Variants in VCPKMT observed in about 807,000 individuals in gnomAD.
VCPKMT encodes protein N-lysine methyltransferase METTL21D.
VCPKMT carries 32 observed loss-of-function variants against 28.6 expected under a neutral mutation model. The ratio of observed to expected loss-of-function variants is 1.12; its 90% CI spans 0.84 to 1.50. VCPKMT has a LOEUF of 1.50. VCPKMT is among the 40% of genes most tolerant of loss of function. VCPKMT has a pLI of 0.00. For missense variants in VCPKMT, 366 were observed against 285.0 expected (o/e 1.28, Z -2.05); for synonymous variants, 138 against 111.4 (o/e 1.24, Z -1.50).
rs983985795 is a variant in VCPKMT at position 50,112,803 on chromosome 14, T to C, written c.571-84A>G. 1.0e-5 allele frequency: 10 copies of C among 961,036 alleles called. No individual in the cohort carries two copies. In the African/African-American group the frequency reaches 1.7e-4, roughly 16 times the overall value. 59.5% of individuals were successfully genotyped at this position (961,036 alleles called of 1,614,324 possible). A position where few individuals can be genotyped will look rare whatever the true frequency, so the allele number is the denominator to read the frequency against. ...CAGAAGTCAGAATGCTGGTTACTTT[T>C]TTTTTGAGAGTCTCACTCTGTCACC... On this transcript the variant is annotated intron_variant, in intron 4 of 5. Coordinates refer to ENST00000395860, the MANE Select transcript of VCPKMT (RefSeq NM_024558.3).
downstream of VCPKMT, among the ~76,000 whole-genome samples, chr14:50,105,787 G>A (rs542614101): frequency 4.6e-5 from 7 of 152,288 alleles, no homozygotes; most frequent in Admixed American, 3.9e-4. Flanking sequence ...AGAGACTCAA[G>A]TCATTGGAGA....
downstream of VCPKMT, among the ~76,000 whole-genome samples, chr14:50,108,009 T>A (rs1341540892): frequency 2.6e-5 from 4 of 151,690 alleles, no homozygotes; most frequent in Admixed American, 2.6e-4. Flanking sequence ...GGCAACATGG[T>A]GAAACCCTGA....
At chr14:50,104,819 GAATT>G (rs1475031466), downstream of VCPKMT, among the ~76,000 whole-genome samples, 10 of 152,184 alleles carry the variant, frequency 6.6e-5, no homozygotes, top group African/African-American at 1.4e-4. Flanking sequence ...AACGTCACTT[GAATT>G]AATTTAGCCT....
In VCPKMT at chr14:50,112,605, T is replaced by A; in HGVS notation, c.675+10A>T. On this transcript the variant is annotated intron_variant, in intron 5 of 5. Coordinates refer to ENST00000395860, the MANE Select transcript of VCPKMT (RefSeq NM_024558.3). The stretch of plus-strand genomic sequence containing the variant: ...TCCTTGGAGAATGAAGAACTGAGAA[T>A]GTTATTTACCGATTTTTTCTTTCTG... 1 of 1,487,414 alleles carries A rather than the reference T, an allele frequency of 6.7e-7. No homozygotes were observed. Among genetic ancestry groups the A allele is most frequent in the Non-Finnish European group, 9.2e-7 (1 of 1,088,700 alleles). 92.1% of individuals were successfully genotyped at this position (1,487,414 alleles called of 1,614,324 possible).
chr14:50,114,234 GC>G lies in VCPKMT; in HGVS notation c.570+50del, dbSNP rs568021564. 9.6e-5 allele frequency: 137 copies of G among 1,425,512 alleles called. 1 individual carries two copies. In the African/African-American group the frequency reaches 1.8e-3, roughly 19 times the overall value. 88.3% of individuals were successfully genotyped at this position (1,425,512 alleles called of 1,614,324 possible). ...TAATATACTTGAAGAGTCACATACA[GC>G]CCCCCTGAAGGGAAATCACTACAAA... is the stretch of plus-strand genomic sequence containing the variant. On this transcript the variant is annotated intron_variant, in intron 4 of 5. Coordinates refer to ENST00000395860, the MANE Select transcript of VCPKMT (RefSeq NM_024558.3).
At chr14:50,104,875 G>A (rs1167268826), downstream of VCPKMT, among the ~76,000 whole-genome samples, 7 of 152,074 alleles carry the variant, frequency 4.6e-5, no homozygotes, top group African/African-American at 1.7e-4. Context: ...ATCAATAGCA[G>A]AGAAAACATT....
chr14:50,104,907 C>T (rs763812447), downstream of VCPKMT, among the ~76,000 whole-genome samples: 29 of 152,048 alleles, frequency 1.9e-4, no homozygotes, highest in Non-Finnish European at 3.7e-4. Flanking sequence ...AGTAACGTAG[C>T]TTTTTGAATG....
downstream of VCPKMT, chr14:50,108,517 G>A (rs570279180): frequency 1.0e-5 from 8 of 783,412 alleles, no homozygotes; most frequent in African/African-American, 1.9e-5. Context: ...AACCTGAAAG[G>A]AATGAACTGA....
intron 4 of VCPKMT, 60 bp from the exon 5 acceptor site, chr14:50,112,779 A>G: frequency 8.3e-7 from 1 of 1,208,354 alleles, no homozygotes; most frequent in South Asian, 1.4e-5. Flanking sequence ...TGTGGGTGAC[A>G]GAAGTCAGAA....
intron 2 of VCPKMT, 57 bp from the exon 3 acceptor site, chr14:50,115,968 T>C (rs1883148819): frequency 3.1e-6 from 5 of 1,600,370 alleles, no homozygotes; most frequent in Non-Finnish European, 4.3e-6. Context: ...TACTCTTGTT[T>C]TATAAAGAAC....
rs1331656163 is a variant in VCPKMT, at chr14:50,116,438, C to A, written c.115G>T (p.Gly39Cys). 1 of 1,613,912 alleles carries A rather than the reference C, an allele frequency of 6.2e-7. No individual in the cohort carries two copies. The highest frequency in any genetic ancestry group is 1.3e-5 in the African/African-American group (1 of 74,920). The change falls in exon 1 of 6, where the codon GGT becomes TGT. Residue 39 changes from glycine to cysteine, a missense_variant. By Grantham distance (159) the Gly-to-Cys change is radical (BLOSUM62 -3). Coordinates refer to ENST00000395860, the MANE Select transcript of VCPKMT (RefSeq NM_024558.3). ...RLQQYSSGGV[G>C]CVVWDAAIVL... ...ATGGCAGCGTCCCACACAACGCAAC[C>A]CACGCCACCGGAGCTATACTGCTGT... is the stretch of plus-strand genomic sequence containing the variant.
the VCPKMT span, among the ~76,000 whole-genome samples, chr14:50,102,980 GC>G: frequency 1.3e-5 from 2 of 152,220 alleles, no homozygotes; most frequent in African/African-American, 4.8e-5. Context: ...GCCGCATATG[GC>G]CCAGGACATC....
intron 3 of VCPKMT, among the ~76,000 whole-genome samples, chr14:50,115,440 C>T (rs982871277): frequency 6.6e-6 from 1 of 152,080 alleles, no homozygotes; most frequent in South Asian, 2.1e-4. Context: ...CGTGAGCCAC[C>T]GCGCCCGGCC....
At chr14:50,115,310 G>A (rs893495449) in intron 3 of VCPKMT, among the ~76,000 whole-genome samples, 2 of 151,856 alleles carry the variant, frequency 1.3e-5, no homozygotes, top group Non-Finnish European at 1.5e-5. Context: ...GCACCACCAC[G>A]CCTGGCTAAT....
rs931945982 is a variant in VCPKMT at position 50,108,704 on chromosome 14, A to C, written c.*995T>G. The C allele has an allele frequency of 4.1e-6, 4 of 985,740 alleles. No homozygotes were observed. In the African/African-American group the frequency reaches 7.0e-5, roughly 17 times the overall value. The allele number at this position is 985,740 out of a possible 1,614,324, so 61.1% of individuals were successfully genotyped here. A position where few individuals can be genotyped will look rare whatever the true frequency, so the allele number is the denominator to read the frequency against. On this transcript the variant is annotated 3_prime_UTR_variant, in exon 6 of 6. Coordinates refer to ENST00000395860, the MANE Select transcript of VCPKMT (RefSeq NM_024558.3). ...TAGCACCAATGCCTATAAATACCAG[A>C]ATTCCATCCGGTTACTACTCTTTGG...
chr14:50,109,856 A>T, intron 5 of VCPKMT, 143 bp from the exon 6 acceptor site: 1 of 936,130 alleles, frequency 1.1e-6, no homozygotes, highest in Non-Finnish European at 1.5e-6. Flanking sequence ...ACAACCATGC[A>T]TGTTTATAGA....
At position 50,109,525 on chromosome 14, in the gene VCPKMT, A is replaced by C; in HGVS notation, c.*174T>G. On this transcript the variant is annotated 3_prime_UTR_variant, in exon 6 of 6. Coordinates refer to ENST00000395860, the MANE Select transcript of VCPKMT (RefSeq NM_024558.3). ...ATTGGCAGGCAGGCAGGCAAGCAGG[A>C]ATTTTTCGTATTGCAGACAGCCCCT... 7.6e-7 allele frequency: 1 copy of C among 1,315,100 alleles called. No individual in the cohort carries two copies. Among genetic ancestry groups the C allele is most frequent in the Non-Finnish European group, 9.7e-7 (1 of 1,034,634 alleles). 81.5% of individuals were successfully genotyped at this position (1,315,100 alleles called of 1,614,324 possible).
chr14:50,109,400 T>C lies in VCPKMT; in HGVS notation c.*299A>G. On this transcript the variant is annotated 3_prime_UTR_variant, in exon 6 of 6. Transcript: ENST00000395860. ...TCATGTTGGCTGTTTTTGGCAGATT[T>C]CAGCCTCGCCTCAATACCAATTTTT... is the stretch of plus-strand genomic sequence containing the variant. The C allele has an allele frequency of 9.0e-7, 1 of 1,110,874 alleles. No individual in the cohort carries two copies. The highest frequency in any genetic ancestry group is 5.1e-5 in the East Asian group (1 of 19,732). 68.8% of individuals were successfully genotyped at this position (1,110,874 alleles called of 1,614,324 possible). A position where few individuals can be genotyped will look rare whatever the true frequency, so the allele number is the denominator to read the frequency against.
At chr14:50,111,471 G>C in intron 5 of VCPKMT, 1 of 985,334 alleles carries the variant, frequency 1.0e-6, no homozygotes, top group Non-Finnish European at 1.2e-6. Context: ...CATAATCAAA[G>C]CAAAGATGAT....
Sources: gnomAD v4.1 joint callset for allele counts (sites outside exome capture counted in the v4.1 genomes callset) on GRCh38, gnomAD v4.1.1 for gene constraint, MANE v1.5 for transcripts, NCBI Gene and HGNC (gene_info 2026-07-23, HGNC 2026-07-21) for gene names.